Variants in OPRL1 observed in about 807,000 individuals in gnomAD.
The protein encoded by OPRL1 is opioid related nociceptin receptor 1.
OPRL1 carries 5 observed loss-of-function variants against 15.5 expected under a neutral mutation model. The ratio of observed to expected loss-of-function variants is 0.32; its 90% CI spans 0.17 to 0.68. OPRL1 has a LOEUF of 0.68. Among genes scored for constraint, OPRL1 ranks in the 30% least tolerant of loss-of-function variants. The pLI, the probability that OPRL1 is intolerant of heterozygous loss-of-function variation, is 0.72. For synonymous variants in OPRL1, 223 were observed against 230.2 expected, an observed-to-expected ratio of 0.97 and a Z score of 0.28; for missense variants, 406 against 515.3, an observed-to-expected ratio of 0.79 and a Z score of 2.05.
intron 1 of OPRL1, chr20:64,086,679 T>A: frequency 5.2e-6 from 1 of 191,056 alleles, no homozygotes; most frequent in South Asian, 6.9e-5. Flanking sequence ...TGTATATAGA[T>A]TTTGTAAAGT....
At chr20:64,100,641 T>C (rs1002882899), downstream of OPRL1, 7 of 152,228 alleles carry the variant, frequency 4.6e-5, no homozygotes, top group Non-Finnish European at 8.8e-5. Flanking sequence ...GTATTCTTTG[T>C]AACCAGTGTT....
intron 3 of OPRL1, among the ~76,000 whole-genome samples, chr20:64,093,319 C>T (rs1009339649): frequency 5.3e-5 from 8 of 149,846 alleles, no homozygotes; most frequent in African/African-American, 2.0e-4. Flanking sequence ...CCTAGATGGG[C>T]GAAGGGAGGC....
At position 64,084,141 on chromosome 20, in the gene OPRL1, C is replaced by T. The variant is rs537693191; in HGVS notation, c.-185+3789C>T. On this transcript the variant is annotated intron_variant, in intron 1 of 4. Transcript: ENST00000336866. Reference sequence around the variant, plus strand: ...GGCGCCCCCTTGGCACGCTCCTCACCCTGCGCCGTGCCTGGCGCGCTCTTC... The same window carrying T: ...GGCGCCCCCTTGGCACGCTCCTCACTCTGCGCCGTGCCTGGCGCGCTCTTC... The T allele has an allele frequency of 3.2e-5, 47 of 1,461,352 alleles. No homozygotes were observed. The African/African-American group carries it at 6.3e-4, about 20-fold the overall frequency. 90.5% of individuals were successfully genotyped at this position (1,461,352 alleles called of 1,614,324 possible).
At position 64,097,700 on chromosome 20, in the gene OPRL1, G is replaced by C; in HGVS notation, c.234-102G>C. 6.9e-6 allele frequency: 7 copies of C among 1,009,026 alleles called. No individual in the cohort carries two copies. The highest frequency in any genetic ancestry group is 9.0e-6 in the Non-Finnish European group (6 of 664,246). The allele number at this position is 1,009,026 out of a possible 1,614,324, so 62.5% of individuals were successfully genotyped here. ...GGAACTCTGATGTTAAGGGACTCAG[G>C]GCCACTGTAGCTTGTGGTGGCCAAG... On this transcript the variant is annotated intron_variant, in intron 3 of 4. Transcript: ENST00000336866. The surrounding 1 kb of genome is among the most constrained non-coding windows in gnomAD (Gnocchi z 4.2).
chr20:64,096,333 G>A (rs1979106595), intron 3 of OPRL1, among the ~76,000 whole-genome samples: 1 of 152,140 alleles, frequency 6.6e-6, no homozygotes, highest in Admixed American at 6.5e-5. Flanking sequence ...GTGGGCTGGG[G>A]TGACCATCTT....
intron 1 of OPRL1, chr20:64,084,438 T>A: frequency 1.7e-6 from 2 of 1,203,826 alleles, no homozygotes; most frequent in South Asian, 6.0e-5. Flanking sequence ...CGGCTGATCC[T>A]GCTCAGTCCT....
chr20:64,087,975 G>C (rs1270007342), intron 1 of OPRL1, among the ~76,000 whole-genome samples: 2 of 152,214 alleles, frequency 1.3e-5, no homozygotes, highest in Non-Finnish European at 2.9e-5. Context: ...AGGGAGCACT[G>C]TCAGTGTCAC....
rs1030071738 is a variant in OPRL1, at chr20:64,097,324, G to A, written c.234-478G>A. 1.1e-4 allele frequency among the ~76,000 whole-genome samples: 17 copies of A among 152,138 alleles called. No homozygotes were observed. Among genetic ancestry groups the A allele is most frequent in the Admixed American group, 2.6e-4 (4 of 15,262 alleles). ...GCTAGGCAGCAGTGTGGACTTGGAA[G>A]CCTTTTGATATGTTCTTACAGATTC... On this transcript the variant is annotated intron_variant, in intron 3 of 4. Coordinates refer to ENST00000336866, the MANE Select transcript of OPRL1 (RefSeq NM_182647.4). The surrounding 1 kb of genome is among the most constrained non-coding windows in gnomAD (Gnocchi z 4.2).
rs1055207954 is a variant in OPRL1 at position 64,083,993 on chromosome 20, G to T, written c.-185+3641G>T. On this transcript the variant is annotated intron_variant, in intron 1 of 4. Coordinates refer to ENST00000336866, the MANE Select transcript of OPRL1 (RefSeq NM_182647.4). This position sits in a 1 kb window ranked among gnomAD's most constrained non-coding sequence, Gnocchi z 4.9. ...CACCGACCCGCACGGGAAGGTGGAG[G>T]CCGCCGCGCCCACGTCCTCCAGCAG... is the stretch of plus-strand genomic sequence containing the variant. The T allele has an allele frequency of 6.7e-6, 10 of 1,486,270 alleles. No homozygotes were observed. The highest frequency in any genetic ancestry group is 8.9e-6 in the Non-Finnish European group (10 of 1,126,540). 92.1% of individuals were successfully genotyped at this position (1,486,270 alleles called of 1,614,324 possible). A position where few individuals can be genotyped will look rare whatever the true frequency, so the allele number is the denominator to read the frequency against.
At position 64,090,090 on chromosome 20, in the gene OPRL1, C is replaced by T. The variant is rs1460880940; in HGVS notation, c.-184-1876C>T. Reference sequence around the variant, plus strand: ...CTGTTCCCAAAGGTGTCCATGCACACTCTAGGTCTACCCATGTGCCTGCGT... The same window carrying T: ...CTGTTCCCAAAGGTGTCCATGCACATTCTAGGTCTACCCATGTGCCTGCGT... On this transcript the variant is annotated intron_variant, in intron 1 of 4. Transcript: ENST00000336866. The surrounding 1 kb of genome is among the most constrained non-coding windows in gnomAD (Gnocchi z 4.9). 6.6e-6 allele frequency among the ~76,000 whole-genome samples: 1 copy of T among 152,190 alleles called. No individual in the cohort carries two copies. Among genetic ancestry groups the T allele is most frequent in the African/African-American group, 2.4e-5 (1 of 41,448 alleles).
rs775178574 is a variant in OPRL1, at chr20:64,097,880, G to T, written c.312G>T (p.Leu104=). 2 of 1,613,644 alleles carry T rather than the reference G, an allele frequency of 1.2e-6. No homozygotes were observed. Among genetic ancestry groups the T allele is most frequent in the East Asian group, 2.2e-5 (1 of 44,892 alleles). The part of the protein sequence containing the change: ...ALADTLVLLT[L]PFQGTDILLG... The stretch of plus-strand genomic sequence containing the variant: ...CCGACACTCTGGTCCTGCTGACGCT[G>T]CCCTTCCAGGGCACGGACATCCTCC... Residue 104 remains leucine, a synonymous_variant, in exon 4 of 5, where the codon CTG becomes CTT. Transcript: ENST00000336866. The surrounding 1 kb of genome is among the most constrained non-coding windows in gnomAD (Gnocchi z 4.2).
At position 64,089,035 on chromosome 20, in the gene OPRL1, G is replaced by T. The variant is rs114319869; in HGVS notation, c.-184-2931G>T. Among the ~76,000 whole-genome samples, 855 of 147,130 alleles carry T rather than the reference G, an allele frequency of 5.8e-3. 6 individuals carry two copies. The highest frequency in any genetic ancestry group is 0.021 in the African/African-American group (817 of 39,852). On this transcript the variant is annotated intron_variant, in intron 1 of 4. Transcript: ENST00000336866. This position sits in a 1 kb window ranked among gnomAD's most constrained non-coding sequence, Gnocchi z 5.5. Reference sequence around the variant, plus strand: ...CAGGTGCGCAGGGTCAATGCAGGGGGCAAGGTCTGTACCGTGGGCTAGGGG... The same window carrying T: ...CAGGTGCGCAGGGTCAATGCAGGGGTCAAGGTCTGTACCGTGGGCTAGGGG...
chr20:64,080,700 T>C (rs8121509), intron 1 of OPRL1, among the ~76,000 whole-genome samples: 69,483 of 152,010 alleles, frequency 0.46, 16,298 homozygotes, highest in East Asian at 0.67. Flanking sequence ...TTTGGCCCTG[T>C]GTCAGGGTGG....
At chr20:64,092,657 T>A (rs2060131826) in intron 2 of OPRL1, 31 bp from the exon 3 acceptor site, 71 of 1,530,282 alleles carry the variant, frequency 4.6e-5, no homozygotes, top group Non-Finnish European at 6.3e-5. Context: ...TGTCTGGCAC[T>A]GCAGCCACTT....
intron 1 of OPRL1, among the ~76,000 whole-genome samples, chr20:64,081,144 G>A (rs1248340010): frequency 6.6e-6 from 1 of 152,066 alleles, no homozygotes; most frequent in African/African-American, 2.4e-5. Context: ...GGGGCCCGAA[G>A]GGGGAGGTCA....
At position 64,089,430 on chromosome 20, in the gene OPRL1, G is replaced by C. The variant is rs950020990; in HGVS notation, c.-184-2536G>C. ...GAAGGCTTGGGGTCAAAAGAGGTGG[G>C]GGTCAGGGAGCTAGGTCTGACCTCG... is the stretch of plus-strand genomic sequence containing the variant. On this transcript the variant is annotated intron_variant, in intron 1 of 4. Coordinates refer to ENST00000336866, the MANE Select transcript of OPRL1 (RefSeq NM_182647.4). The surrounding 1 kb of genome is among the most constrained non-coding windows in gnomAD (Gnocchi z 5.5). Among the ~76,000 whole-genome samples, 1 of 152,032 alleles carries C rather than the reference G, an allele frequency of 6.6e-6. No individual in the cohort carries two copies. Among genetic ancestry groups the C allele is most frequent in the African/African-American group, 2.4e-5 (1 of 41,376 alleles).
At position 64,097,819 on chromosome 20, in the gene OPRL1, C is replaced by T. The variant is rs753624518; in HGVS notation, c.251C>T (p.Thr84Ile). 3.1e-6 allele frequency: 5 copies of T among 1,612,038 alleles called. No individual in the cohort carries two copies. The South Asian group carries it at 3.3e-5, about 11-fold the overall frequency. ...CTCCGCAGGCACACCAAAATGAAGA[C>T]AGCCACCAATATTTACATCTTTAAC... Reference protein sequence around the residue: ...YVILRHTKMKTATNIYIFNLA... With the variant: ...YVILRHTKMKIATNIYIFNLA... The change falls in exon 4 of 5, where the codon ACA (threonine) becomes ATA (isoleucine). Residue 84 changes from threonine (T) to isoleucine (I), a missense_variant. Coordinates refer to ENST00000336866, the MANE Select transcript of OPRL1 (RefSeq NM_182647.4). The surrounding 1 kb of genome is among the most constrained non-coding windows in gnomAD (Gnocchi z 4.2).
chr20:64,088,874 T>C lies in OPRL1; in HGVS notation c.-184-3092T>C, dbSNP rs868640115. ...CAGGGAGGGCAGGGTCTGTGCAGAG[T>C]GGCCAGGGTCTGTGCAGAGTGGCCA... is the stretch of plus-strand genomic sequence containing the variant. On this transcript the variant is annotated intron_variant, in intron 1 of 4. Coordinates refer to ENST00000336866, the MANE Select transcript of OPRL1 (RefSeq NM_182647.4). Among the ~76,000 whole-genome samples, 227 of 79,816 alleles carry C rather than the reference T, an allele frequency of 2.8e-3. 1 individual carries two copies. The highest frequency in any genetic ancestry group is 5.3e-3 in the Admixed American group (40 of 7,498). 52.4% of individuals were successfully genotyped at this position (79,816 alleles called of 152,430 possible).
intron 1 of OPRL1, among the ~76,000 whole-genome samples, chr20:64,088,274 G>A (rs1296519448): frequency 2.0e-5 from 3 of 152,158 alleles, no homozygotes; most frequent in Non-Finnish European, 4.4e-5. Context: ...TCTGCACATG[G>A]GCCAGGATCT....
Sources: gnomAD v4.1 joint callset for allele counts (sites outside exome capture counted in the v4.1 genomes callset) on GRCh38, gnomAD v4.1.1 for gene constraint, Gnocchi (gnomAD v3.1) non-coding constraint, MANE v1.5 for transcripts, NCBI Gene and HGNC (gene_info 2026-07-23, HGNC 2026-07-21) for gene names.